The following PDIA4 variants were observed in gnomAD, a reference collection of about 807,000 sequenced individuals.
PDIA4 encodes protein disulfide-isomerase A4.
A neutral mutation model predicts 62.1 loss-of-function variants in PDIA4; 33 were observed. The observed-to-expected ratio is 0.53, with a 90% CI of 0.40 to 0.71. The LOEUF is 0.71. Ranked by LOEUF, PDIA4 falls within the 30% of genes least tolerant of loss-of-function variation. The pLI, the probability that PDIA4 is intolerant of heterozygous loss-of-function variation, is 0.00. For synonymous variants in PDIA4, 341 were observed against 324.1 expected, an observed-to-expected ratio of 1.05 and a Z score of -0.56; for missense variants, 804 against 813.6, an observed-to-expected ratio of 0.99 and a Z score of 0.14.
intron 1 of PDIA4, among the ~76,000 whole-genome samples, chr7:149,023,681 A>C (rs1220806818): frequency 6.6e-6 from 1 of 152,190 alleles, no homozygotes; most frequent in East Asian, 1.9e-4. Context: ...TCCAGGTAGG[A>C]ATCACAGCTA....
intron 7 of PDIA4, among the ~76,000 whole-genome samples, chr7:149,007,299 T>C (rs1823794653): frequency 6.6e-6 from 1 of 152,100 alleles, no homozygotes; most frequent in Non-Finnish European, 1.5e-5. Flanking sequence ...CCGGGATTCC[T>C]GTCCTGTCAC....
At position 149,021,027 on chromosome 7, in the gene PDIA4, G is replaced by A. The variant is rs780622037; in HGVS notation, c.209C>T (p.Ala70Val). 1 of 1,614,128 alleles carries A rather than the reference G, an allele frequency of 6.2e-7. No individual in the cohort carries two copies. Among genetic ancestry groups the A allele is most frequent in the Non-Finnish European group, 8.5e-7 (1 of 1,180,026 alleles). The change falls in exon 2 of 10, where the codon GCA becomes GTA. Residue 70 changes from alanine (A) to valine (V), a missense_variant. By Grantham distance (64) the Ala-to-Val change is moderately conservative. Transcript: ENST00000652332. ...EENGVLVLND[A>V]NFDNFVADKD... is the part of the protein sequence containing the mutation. Reference sequence around the variant, plus strand: ...GTCAGCCACAAAATTATCAAAGTTTGCATCATTTAGGACCAAGACTCCATT... The same window carrying A: ...GTCAGCCACAAAATTATCAAAGTTTACATCATTTAGGACCAAGACTCCATT...
At chr7:149,006,555 T>C (rs1823764085) in intron 7 of PDIA4, among the ~76,000 whole-genome samples, 1 of 152,154 alleles carries the variant, frequency 6.6e-6, no homozygotes. Context: ...TGGGTGGGCC[T>C]GTGAGCCCAA....
chr7:149,005,805 T>C, intron 8 of PDIA4, 92 bp downstream of exon 8: 1 of 1,072,350 alleles, frequency 9.3e-7, no homozygotes, highest in Non-Finnish European at 1.3e-6. Flanking sequence ...GCCATGTACA[T>C]ACAGCCACAC....
chr7:149,022,736 C>G (rs569099394), intron 1 of PDIA4, among the ~76,000 whole-genome samples: 6 of 152,284 alleles, frequency 3.9e-5, no homozygotes, highest in African/African-American at 1.4e-4. Context: ...CGGAGGCAGC[C>G]TGCACCCACC....
rs1209470850 is a variant in PDIA4, at chr7:149,003,994, T to C, written c.1738A>G (p.Ile580Val). ...KKYKGQKGLV[I>V]AKMDATANDV... Reference sequence around the variant, plus strand: ...TTGGCAGTGGCGTCCATCTTGGCGATGACCAGGCCCTTTTGGCCCTTGTAC... The same window carrying C: ...TTGGCAGTGGCGTCCATCTTGGCGACGACCAGGCCCTTTTGGCCCTTGTAC... The change falls in exon 10 of 10, where the codon ATC becomes GTC. Residue 580 changes from isoleucine to valine, a missense_variant. Physicochemically the swap from Ile to Val is conservative, Grantham distance 29. Coordinates refer to ENST00000652332, the MANE Select transcript of PDIA4 (RefSeq NM_004911.5). The C allele has an allele frequency of 6.2e-7, 1 of 1,613,844 alleles. No individual in the cohort carries two copies. Among genetic ancestry groups the C allele is most frequent in the Middle Eastern group, 1.7e-4 (1 of 6,056 alleles).
chr7:149,015,765 G>A (rs1415920475), intron 3 of PDIA4, among the ~76,000 whole-genome samples: 2 of 152,260 alleles, frequency 1.3e-5, no homozygotes, highest in African/African-American at 4.8e-5. Flanking sequence ...CAAAGCTGCA[G>A]TCTTCAAACT....
At chr7:149,028,008 A>T (rs1322076388) in intron 1 of PDIA4, 1 of 578,776 alleles carries the variant, frequency 1.7e-6, no homozygotes, top group African/African-American at 1.9e-5. Flanking sequence ...AATTAAGGCG[A>T]AGGACCCAGC....
Position 149,022,391 on chromosome 7 carries a change from CTTATT to C in PDIA4, c.89-1249_89-1245del, listed in dbSNP as rs376576521. 7.7e-4 allele frequency among the ~76,000 whole-genome samples: 117 copies of C among 152,162 alleles called. No homozygotes were observed. The East Asian group carries it at 0.013, about 16-fold the overall frequency. The stretch of plus-strand genomic sequence containing the variant: ...TGTATATTTTATTTTCAAGGTTCAA[CTTATT>C]TTATTTTATTTTTTTTGCCAAACCA... On this transcript the variant is annotated intron_variant, in intron 1 of 9. Coordinates refer to ENST00000652332, the MANE Select transcript of PDIA4 (RefSeq NM_004911.5).
At chr7:149,014,820 C>G in intron 4 of PDIA4, 84 bp downstream of exon 4, 1 of 1,357,960 alleles carries the variant, frequency 7.4e-7, no homozygotes. Context: ...CTCTGCTGTT[C>G]CTGCCTCACG....
At position 149,019,180 on chromosome 7, in the gene PDIA4, T is replaced by C. The variant is rs1824255386; in HGVS notation, c.287A>G (p.Gln96Arg). 2 of 1,612,820 alleles carry C rather than the reference T, an allele frequency of 1.2e-6. No homozygotes were observed. Among genetic ancestry groups the C allele is most frequent in the Non-Finnish European group, 8.5e-7 (1 of 1,178,952 alleles). ...AATTTTTTCATATTCCGGAGCAAAC[T>C]GCTTGCAATGTCCACACCTAACAAT... ...FYAPWCGHCK[Q>R]FAPEYEKIAN... The change falls in exon 3 of 10, where the codon CAG becomes CGG. Residue 96 changes from glutamine to arginine, a missense_variant. Transcript: ENST00000652332.
Position 149,014,967 on chromosome 7 carries a change from T to A in PDIA4, c.551A>T (p.Lys184Ile). The change falls in exon 4 of 10, where the codon AAA becomes ATA. Residue 184 changes from lysine to isoleucine, a missense_variant. Transcript: ENST00000652332. ...ATTCACAACTTCATCAAAGTTCTCTTTGGTCAACACAAGCGTGACTTCTGG... is the reference window on the plus strand; with the variant it reads ...ATTCACAACTTCATCAAAGTTCTCTATGGTCAACACAAGCGTGACTTCTGG... Reference protein sequence around the residue: ...PPPEVTLVLTKENFDEVVNDA... With the variant: ...PPPEVTLVLTIENFDEVVNDA... 1 of 1,614,144 alleles carries A rather than the reference T, an allele frequency of 6.2e-7. No individual in the cohort carries two copies. The highest frequency in any genetic ancestry group is 8.5e-7 in the Non-Finnish European group (1 of 1,179,968).
At chr7:149,021,954 T>C (rs1242471519) in intron 1 of PDIA4, among the ~76,000 whole-genome samples, 3 of 152,182 alleles carry the variant, frequency 2.0e-5, no homozygotes, top group African/African-American at 7.2e-5. Flanking sequence ...CTTGTCTGTG[T>C]TCAACGTTAT....
chr7:149,008,877 A>C (rs1823849224), intron 6 of PDIA4, among the ~76,000 whole-genome samples: 1 of 152,188 alleles, frequency 6.6e-6, no homozygotes, highest in South Asian at 2.1e-4. Context: ...CTGTAATCTC[A>C]GCACTTTGTG....
Position 149,019,028 on chromosome 7 carries a change from G to A in PDIA4, c.439C>T (p.Gln147Ter). Residue 147 changes from glutamine to a stop codon, truncating the protein, a stop_gained, in exon 3 of 10, where the codon CAG becomes TAG. Coordinates refer to ENST00000652332, the MANE Select transcript of PDIA4 (RefSeq NM_004911.5). LOFTEE classifies it high-confidence loss of function. ...CTGGAGCCCTCGTAGTCTACAGCCTGCCCCTTCTTAAGGATCTTGATGGTG... is the reference window on the plus strand; with the variant it reads ...CTGGAGCCCTCGTAGTCTACAGCCTACCCCTTCTTAAGGATCTTGATGGTG... ...YPTIKILKKG[Q>*]AVDYEGSRTQ... 6.2e-7 allele frequency: 1 copy of A among 1,613,520 alleles called. No homozygotes were observed. Among genetic ancestry groups the A allele is most frequent in the Non-Finnish European group, 8.5e-7 (1 of 1,179,822 alleles).
At chr7:149,009,004 C>A (rs1823854199) in intron 6 of PDIA4, among the ~76,000 whole-genome samples, 1 of 151,134 alleles carries the variant, frequency 6.6e-6, no homozygotes, top group Non-Finnish European at 1.5e-5. Context: ...CGGCTCACTG[C>A]AGTCTCTGTT....
chr7:149,027,822 GGAT>G (rs1426478087), intron 1 of PDIA4: 1 of 471,390 alleles, frequency 2.1e-6, no homozygotes, highest in Non-Finnish European at 4.4e-6. Context: ...CAGAATCTAT[GGAT>G]TAATCATTTC....
chr7:149,023,807 A>T (rs1824441064), intron 1 of PDIA4, among the ~76,000 whole-genome samples: 1 of 152,194 alleles, frequency 6.6e-6, no homozygotes, highest in African/African-American at 2.4e-5. Context: ...TTTACAAAAA[A>T]CAAAGACGTC....
Position 149,003,771 on chromosome 7 carries a change from C to T in PDIA4, c.*23G>A. The T allele has an allele frequency of 6.7e-7, 1 of 1,492,450 alleles. No individual in the cohort carries two copies. The allele number at this position is 1,492,450 out of a possible 1,614,324, so 92.5% of individuals were successfully genotyped here. ...GCCACGCAGGGCGTCTGCCTCCTCCCACCTTCCGCAGACCTCAGGCCTTCA... is the reference window on the plus strand; with the variant it reads ...GCCACGCAGGGCGTCTGCCTCCTCCTACCTTCCGCAGACCTCAGGCCTTCA... On this transcript the variant is annotated 3_prime_UTR_variant, in exon 10 of 10. Transcript: ENST00000652332.
Sources: gnomAD v4.1 joint callset for allele counts (sites outside exome capture counted in the v4.1 genomes callset) on GRCh38, gnomAD v4.1.1 for gene constraint, MANE v1.5 for transcripts, NCBI Gene and HGNC (gene_info 2026-07-23, HGNC 2026-07-21) for gene names.